RETSAT: variants seen among roughly 807,000 people sequenced by gnomAD.
RETSAT encodes retinol saturase, also known as all-trans-retinol 13,14-reductase.
A neutral mutation model predicts 61.6 loss-of-function variants in RETSAT; 35 were observed. That is an observed-to-expected ratio of 0.57 (90% CI 0.43 to 0.75). RETSAT has a LOEUF of 0.75. RETSAT is among the 30% of genes least tolerant of loss of function. The probability of loss-of-function intolerance (pLI) is 0.00; values close to 1 mark genes in which losing one functional copy is unlikely to be tolerated. For synonymous variants in RETSAT, 277 were observed against 310.4 expected, an observed-to-expected ratio of 0.89 and a Z score of 1.13; for missense variants, 670 against 759.5, an observed-to-expected ratio of 0.88 and a Z score of 1.38.
At position 85,354,463 on chromosome 2, in the gene RETSAT, G is replaced by A. The variant is rs79796752; in HGVS notation, c.45C>T (p.Ala15=). ...LVLLLAVLLL[A]VLCKVYLGLF... ...GTCCCAAGTAAACTTTGCAGAGGAC[G>A]GCCAGCAGCAGCACAGCCAGGAGCA... The change falls in exon 1 of 11, where the codon GCC becomes GCT. Residue 15 remains alanine (A), a synonymous_variant. Transcript: ENST00000295802. The A allele has an allele frequency of 7.7e-4, 1,238 of 1,613,994 alleles. 7 individuals are homozygous for A. In the African/African-American group the frequency reaches 0.015, roughly 20 times the overall value.
chr2:85,349,292 G>T, intron 5 of RETSAT, 92 bp downstream of exon 5: 1 of 1,259,326 alleles, frequency 7.9e-7, no homozygotes, highest in Non-Finnish European at 1.1e-6. Flanking sequence ...GAGGAGGTCA[G>T]TTCTCCTACT....
intron 1 of RETSAT, among the ~76,000 whole-genome samples, chr2:85,353,090 A>G (rs1437531270): frequency 1.3e-5 from 2 of 152,230 alleles, no homozygotes; most frequent in African/African-American, 2.4e-5. Flanking sequence ...ACATGAAACA[A>G]GTGTCACAAT....
At chr2:85,345,143 C>T (rs1293957884) in intron 6 of RETSAT, among the ~76,000 whole-genome samples, 1 of 152,186 alleles carries the variant, frequency 6.6e-6, no homozygotes, top group African/African-American at 2.4e-5. Context: ...TCTGCCTCAC[C>T]CCTTCAGCTC....
rs142113554 is a variant in RETSAT at position 85,342,576 on chromosome 2, A to G, written c.*666T>C. 4 of 152,586 alleles carry G rather than the reference A, an allele frequency of 2.6e-5. No individual in the cohort carries two copies. In the East Asian group the frequency reaches 7.7e-4, roughly 29 times the overall value. The allele number at this position is 152,586 out of a possible 1,614,324, so 9.5% of individuals were successfully genotyped here. A position where few individuals can be genotyped will look rare whatever the true frequency, so the allele number is the denominator to read the frequency against. ...AGGAAGACAGACCCGGGACTTCCAT[A>G]TGAATTGGATATGATCATCTGACAT... On this transcript the variant is annotated 3_prime_UTR_variant, in exon 11 of 11. Coordinates refer to ENST00000295802, the MANE Select transcript of RETSAT (RefSeq NM_017750.4).
intron 9 of RETSAT, 90 bp downstream of exon 9, chr2:85,343,909 C>A: frequency 1.3e-6 from 2 of 1,585,904 alleles, no homozygotes; most frequent in Non-Finnish European, 1.7e-6. Context: ...CCCTGGGGCT[C>A]ATGTCTTGGG....
chr2:85,351,929 C>T, intron 1 of RETSAT, 67 bp from the exon 2 acceptor site: 1 of 1,479,416 alleles, frequency 6.8e-7, no homozygotes, highest in South Asian at 1.2e-5. Context: ...GATAGGGAAA[C>T]CAAAGAAGAC....
intron 1 of RETSAT, 115 bp from the exon 2 acceptor site, chr2:85,351,977 G>C: frequency 1.1e-6 from 1 of 920,996 alleles, no homozygotes; most frequent in Non-Finnish European, 1.6e-6. Context: ...CTCTAGAGTG[G>C]TTTGGCACAG....
chr2:85,349,725 G>A (rs1683267368), intron 4 of RETSAT, 144 bp from the exon 5 acceptor site: 2 of 739,546 alleles, frequency 2.7e-6, no homozygotes, highest in African/African-American at 1.8e-5. Context: ...AGCCAGAGGA[G>A]CCTTTCCATC....
At position 85,350,075 on chromosome 2, in the gene RETSAT, A is replaced by C; in HGVS notation, c.764T>G (p.Leu255Arg). Reference protein sequence around the residue: ...VLQQLGASSELQAVLSYIFPT... With the variant: ...VLQQLGASSERQAVLSYIFPT... The stretch of plus-strand genomic sequence containing the variant: ...GAAGATGTAGCTGAGTACTGCCTGG[A>C]GCTCAGAGGAGGCCCCCAGCTGCTG... Residue 255 changes from leucine to arginine, a missense_variant, in exon 4 of 11, where the codon CTC becomes CGC. Leu to Arg is a moderately radical substitution (Grantham distance 102, BLOSUM62 -2). Coordinates refer to ENST00000295802, the MANE Select transcript of RETSAT (RefSeq NM_017750.4). 1 of 1,613,890 alleles carries C rather than the reference A, an allele frequency of 6.2e-7. No homozygotes were observed. Among genetic ancestry groups the C allele is most frequent in the Non-Finnish European group, 8.5e-7 (1 of 1,180,024 alleles).
chr2:85,352,650 G>A (rs1683319783), intron 1 of RETSAT, among the ~76,000 whole-genome samples: 1 of 152,164 alleles, frequency 6.6e-6, no homozygotes, highest in South Asian at 2.1e-4. Context: ...CCAAATTGCT[G>A]GGATTACAGG....
At chr2:85,354,025 TGAGTCACGGGGATTATCAGTTCCAC>T (rs1248889758) in intron 1 of RETSAT, among the ~76,000 whole-genome samples, 1 of 152,180 alleles carries the variant, frequency 6.6e-6, no homozygotes, top group Non-Finnish European at 1.5e-5. Flanking sequence ...AGTGGAGGAA[TGAGTCACGGGGATTATCAGTTCCAC>T]GAGCCACGGG....
Position 85,343,664 on chromosome 2 carries a change from G to C in RETSAT, c.1668C>G (p.Ser556Arg), listed in dbSNP as rs750821019. The C allele has an allele frequency of 2.5e-6, 4 of 1,613,952 alleles. No individual in the cohort carries two copies. In the South Asian group the frequency reaches 3.3e-5, roughly 13 times the overall value. The change falls in exon 10 of 11, where the codon AGC becomes AGG. Residue 556 changes from serine (S) to arginine (R), a missense_variant. Physicochemically the swap from Ser to Arg is moderately radical, Grantham distance 110 (BLOSUM62 -1). Coordinates refer to ENST00000295802, the MANE Select transcript of RETSAT (RefSeq NM_017750.4). The stretch of plus-strand genomic sequence containing the variant: ...CTGTCAGATAGAGGTTGGGGATGGG[G>C]CTCTGGGCCCTCAAGGAGGCCATCA... ...PCVMASLRAQ[S>R]PIPNLYLTGQ...
chr2:85,347,648 A>C (rs572494214), intron 5 of RETSAT, among the ~76,000 whole-genome samples: 81 of 152,208 alleles, frequency 5.3e-4, no homozygotes, highest in Admixed American at 2.6e-3. Context: ...GATTACAGGC[A>C]TGAGCCACTG....
In RETSAT at chr2:85,349,518, C is replaced by T; in HGVS notation, c.863G>A (p.Gly288Glu). The T allele has an allele frequency of 6.2e-7, 1 of 1,614,188 alleles. No homozygotes were observed. The highest frequency in any genetic ancestry group is 1.3e-5 in the African/African-American group (1 of 75,052). Residue 288 changes from glycine (G) to glutamate (E), a missense_variant, in exon 5 of 11, where the codon GGA (glycine) becomes GAA (glutamate). Coordinates refer to ENST00000295802, the MANE Select transcript of RETSAT (RefSeq NM_017750.4). The stretch of plus-strand genomic sequence containing the variant: ...GGAACCCCCTCGGGGATAAAAGCCT[C>T]CTTTCATGTAGTGGTTGACCAGCAG... ...HALLVNHYMKGGFYPRGGSSE... is the reference protein window; with the variant it reads ...HALLVNHYMKEGFYPRGGSSE...
rs559661769 is a variant in RETSAT, at chr2:85,349,508, A to G, written c.873T>C (p.Tyr291=). 4 of 1,614,172 alleles carry G rather than the reference A, an allele frequency of 2.5e-6. No homozygotes were observed. Among genetic ancestry groups the G allele is most frequent in the Admixed American group, 3.3e-5 (2 of 60,024 alleles). Residue 291 remains tyrosine (Y), a synonymous_variant, in exon 5 of 11, where the codon TAT becomes TAC. Transcript: ENST00000295802. ...CAATTTCACTGGAACCCCCTCGGGG[A>G]TAAAAGCCTCCTTTCATGTAGTGGT... The part of the protein sequence containing the change: ...LVNHYMKGGF[Y]PRGGSSEIAF...
rs71327684 is a variant in RETSAT, at chr2:85,343,273, G to GA, written c.1801dup (p.Ser601PhefsTer2). On this transcript the variant is annotated frameshift_variant, in exon 11 of 11. Transcript: ENST00000295802. LOFTEE classifies it high-confidence loss of function. ...CTTTTTCTTCTGTGCCCGGATCCTA[G>GA]AATCAAGATTCTTAAGGTCTGAGTA... 57 of 1,614,272 alleles carry GA rather than the reference G, an allele frequency of 3.5e-5. No homozygotes were observed. The Admixed American group carries it at 9.5e-4, about 27-fold the overall frequency.
At chr2:85,351,066 T>C in intron 2 of RETSAT, 45 bp from the exon 3 acceptor site, 1 of 1,608,224 alleles carries the variant, frequency 6.2e-7, no homozygotes, top group African/African-American at 1.3e-5. Context: ...ATATGGGGAT[T>C]GAGCCCTGGA....
chr2:85,350,417 C>T lies in RETSAT; in HGVS notation c.598-176G>A, dbSNP rs933607451. Among the ~76,000 whole-genome samples, 5 of 152,298 alleles carry T rather than the reference C, an allele frequency of 3.3e-5. No homozygotes were observed. The East Asian group carries it at 5.8e-4, about 18-fold the overall frequency. On this transcript the variant is annotated intron_variant, in intron 3 of 10. Transcript: ENST00000295802. ...CTGTGAATTTTTCCCATCCTACACT[C>T]GGATGAGTCCTTTTTTTGCTTTTAA...
At chr2:85,344,526 C>T (rs1043345325) in intron 7 of RETSAT, 68 bp downstream of exon 7, 11 of 1,581,468 alleles carry the variant, frequency 7.0e-6, no homozygotes, top group Middle Eastern at 1.7e-4. Context: ...ATTCCATAAC[C>T]TCTGCTCATT....
Sources: gnomAD v4.1 joint callset for allele counts (sites outside exome capture counted in the v4.1 genomes callset) on GRCh38, gnomAD v4.1.1 for gene constraint, MANE v1.5 for transcripts, NCBI Gene and HGNC (gene_info 2026-07-23, HGNC 2026-07-21) for gene names.